RBMS3: variants seen among roughly 807,000 people sequenced by gnomAD.
RBMS3 encodes the protein RNA-binding motif, single-stranded-interacting protein 3.
RBMS3 carries 27 observed loss-of-function variants against 66.8 expected under a neutral mutation model. The observed-to-expected ratio is 0.40, with a 90% CI of 0.30 to 0.56. The LOEUF (loss-of-function observed/expected upper bound fraction) is 0.56, where lower values mean the gene tolerates loss of function less well. Ranked by LOEUF, RBMS3 falls within the 20% of genes least tolerant of loss-of-function variation. The pLI is 0.40. For missense variants in RBMS3, 513 were observed against 549.5 expected (o/e 0.93, Z 0.66); for synonymous variants, 188 against 183.0 (o/e 1.03, Z -0.22).
At chr3:29,956,759 A>G (rs930120602) in intron 12 of RBMS3, among the ~76,000 whole-genome samples, 1 of 152,062 alleles carries the variant, frequency 6.6e-6, no homozygotes, top group African/African-American at 2.4e-5. Context: ...TTTCCATTCA[A>G]TTCATTTTCT....
chr3:30,002,104 A>C (rs1218985037), intron 14 of RBMS3, among the ~76,000 whole-genome samples: 2 of 152,032 alleles, frequency 1.3e-5, no homozygotes, highest in East Asian at 3.8e-4. Flanking sequence ...CATTTTAAAG[A>C]CCAAGCAAAT....
chr3:29,736,213 T>C (rs78004932), intron 4 of RBMS3, among the ~76,000 whole-genome samples: 1,527 of 152,314 alleles, frequency 0.01, 25 homozygotes, highest in African/African-American at 0.034. Flanking sequence ...AGAACAGAAT[T>C]ACTTAAATAA....
intron 6 of RBMS3, among the ~76,000 whole-genome samples, chr3:29,794,845 G>T (rs1430331077): frequency 6.6e-6 from 1 of 152,144 alleles, no homozygotes; most frequent in Non-Finnish European, 1.5e-5. Context: ...AGGACACAGG[G>T]CAAAACAATT....
At chr3:29,789,360 AT>A (rs1047788499) in intron 6 of RBMS3, among the ~76,000 whole-genome samples, 2 of 152,058 alleles carry the variant, frequency 1.3e-5, no homozygotes, top group Non-Finnish European at 2.9e-5. Context: ...AAAAATATTA[AT>A]TTTTTGAAGC....
intron 6 of RBMS3, among the ~76,000 whole-genome samples, chr3:29,798,735 T>C (rs751487814): frequency 1.3e-5 from 2 of 152,188 alleles, no homozygotes; most frequent in Non-Finnish European, 2.9e-5. Context: ...GCTGACCAGA[T>C]GACATAGTGA....
intron 2 of RBMS3, among the ~76,000 whole-genome samples, chr3:29,477,560 T>TACTAATAAAATACAGC (rs1312497047): frequency 6.6e-6 from 1 of 152,090 alleles, no homozygotes; most frequent in African/African-American, 2.4e-5. Context: ...TACAATACAG[T>TACTAATAAAATACAGC]ACTAATAAAA....
At chr3:29,409,200 A>G (rs2040159321) in intron 1 of RBMS3, among the ~76,000 whole-genome samples, 1 of 152,078 alleles carries the variant, frequency 6.6e-6, no homozygotes, top group African/African-American at 2.4e-5. Flanking sequence ...AACAATAACT[A>G]TTTTTTCTAA....
chr3:29,632,693 C>T (rs1388912311), intron 4 of RBMS3, among the ~76,000 whole-genome samples: 1 of 151,818 alleles, frequency 6.6e-6, no homozygotes, highest in African/African-American at 2.4e-5. Context: ...ATCTTTGTGA[C>T]ATTTTAAGAA....
At chr3:29,513,640 A>C (rs951406986) in intron 3 of RBMS3, among the ~76,000 whole-genome samples, 7 of 152,148 alleles carry the variant, frequency 4.6e-5, no homozygotes, top group Non-Finnish European at 1.0e-4. Flanking sequence ...TTCTTTTAGA[A>C]TGATCTATAT....
At chr3:29,664,010 A>G (rs2149234545) in intron 4 of RBMS3, among the ~76,000 whole-genome samples, 1 of 152,318 alleles carries the variant, frequency 6.6e-6, no homozygotes, top group Non-Finnish European at 1.5e-5. Flanking sequence ...AGTTTTCTGA[A>G]TACTATCATT....
At chr3:29,440,387 A>G (rs1032233025) in intron 2 of RBMS3, among the ~76,000 whole-genome samples, 6 of 152,150 alleles carry the variant, frequency 3.9e-5, no homozygotes, top group African/African-American at 1.2e-4. Context: ...TTGTTTTTCT[A>G]TTATAAAGTA....
At chr3:29,482,403 G>A (rs1296642976) in intron 2 of RBMS3, among the ~76,000 whole-genome samples, 28 of 152,086 alleles carry the variant, frequency 1.8e-4, no homozygotes, top group African/African-American at 5.8e-4. Context: ...TCTAATTAAA[G>A]AACAAGGAAA....
intron 14 of RBMS3, among the ~76,000 whole-genome samples, chr3:29,992,653 C>T (rs1698963390): frequency 6.6e-6 from 1 of 152,028 alleles, no homozygotes; most frequent in South Asian, 2.1e-4. Context: ...GAAGAGAGAG[C>T]ATGCTCAGTT....
At chr3:29,450,767 T>G (rs2041985512) in intron 2 of RBMS3, among the ~76,000 whole-genome samples, 2 of 152,068 alleles carry the variant, frequency 1.3e-5, no homozygotes, top group Admixed American at 1.3e-4. Context: ...AATAGCAGAT[T>G]ATGAAGGAAT....
chr3:29,676,046 C>A (rs182020371), intron 4 of RBMS3, among the ~76,000 whole-genome samples: 1 of 152,308 alleles, frequency 6.6e-6, no homozygotes, highest in African/African-American at 2.4e-5. Flanking sequence ...CACTGATAGA[C>A]TGGATTAAGC....
intron 4 of RBMS3, among the ~76,000 whole-genome samples, chr3:29,629,741 C>CT (rs34536294): frequency 0.026 from 3,902 of 152,116 alleles, 77 homozygotes; most frequent in Non-Finnish European, 0.042. Flanking sequence ...GTCCTATACC[C>CT]TTTTTCAGTC....
chr3:29,442,066 A>G (rs1347091417), intron 2 of RBMS3, among the ~76,000 whole-genome samples: 1 of 152,196 alleles, frequency 6.6e-6, no homozygotes, highest in Non-Finnish European at 1.5e-5. Flanking sequence ...CCTTGGAAGA[A>G]TCTTACTTTC....
At chr3:29,906,799 C>A (rs932662352) in intron 10 of RBMS3, among the ~76,000 whole-genome samples, 8 of 151,952 alleles carry the variant, frequency 5.3e-5, no homozygotes, top group Non-Finnish European at 1.0e-4. Flanking sequence ...GTATTTATAT[C>A]AATATCTACC....
chr3:29,502,223 A>G (rs1179211158), intron 3 of RBMS3, among the ~76,000 whole-genome samples: 1 of 152,074 alleles, frequency 6.6e-6, no homozygotes, highest in Non-Finnish European at 1.5e-5. Context: ...CCATTGTTGA[A>G]TGGACATCAA....
Sources: allele counts gnomAD v4.1 joint callset (sites outside exome capture counted in the v4.1 genomes callset), GRCh38; gene constraint gnomAD v4.1.1; transcripts MANE v1.5; gene names NCBI Gene and HGNC (gene_info 2026-07-23, HGNC 2026-07-21).